MAP4K5: variants seen among roughly 807,000 people sequenced by gnomAD.
MAP4K5 encodes MAPK/ERK kinase kinase kinase 5.
A neutral mutation model predicts 135.6 loss-of-function variants in MAP4K5; 82 were observed. The ratio of observed to expected loss-of-function variants is 0.60; its 90% CI spans 0.51 to 0.73. MAP4K5 has a LOEUF of 0.73. Among genes scored for constraint, MAP4K5 ranks in the 30% least tolerant of loss-of-function variants. The probability of loss-of-function intolerance (pLI) is 0.00; values close to 1 mark genes in which losing one functional copy is unlikely to be tolerated. For missense variants in MAP4K5, 907 were observed against 1,010.9 expected, an observed-to-expected ratio of 0.90 and a Z score of 1.39; for synonymous variants, 347 against 335.0, an observed-to-expected ratio of 1.04 and a Z score of -0.39.
chr14:50,474,180 T>A (rs8005514), intron 9 of MAP4K5, among the ~76,000 whole-genome samples: 127,863 of 151,962 alleles, frequency 0.84, 55,322 homozygotes, highest in East Asian at 0.93. Context: ...ATCACTTGAG[T>A]TTTAGACCAG....
At chr14:50,498,572 C>G (rs2037642546) in intron 3 of MAP4K5, among the ~76,000 whole-genome samples, 1 of 152,076 alleles carries the variant, frequency 6.6e-6, no homozygotes, top group African/African-American at 2.4e-5. Flanking sequence ...ATTAGGAAGA[C>G]CTTCAAAAGC....
chr14:50,482,575 G>A (rs1020978227), intron 5 of MAP4K5, 159 bp from the exon 6 acceptor site: 77 of 505,942 alleles, frequency 1.5e-4, no homozygotes, highest in Non-Finnish European at 2.2e-4. Flanking sequence ...TCAAGAGCTC[G>A]AGACTATCCT....
In MAP4K5 at chr14:50,476,448, T is replaced by C; in HGVS notation, c.379-142A>G. On this transcript the variant is annotated intron_variant, in intron 6 of 32. Coordinates refer to ENST00000682126, the MANE Select transcript of MAP4K5 (RefSeq NM_006575.6). ...AAAAAAACCTAGATAAGTAAATCAA[T>C]GTTTACTATATTTTAAAGATTTGTT... The C allele has an allele frequency of 6.3e-6, 3 of 472,806 alleles. 1 individual carries two copies. Among genetic ancestry groups the C allele is most frequent in the South Asian group, 9.2e-5 (2 of 21,830 alleles). The allele number at this position is 472,806 out of a possible 1,614,324, so 29.3% of individuals were successfully genotyped here. A position where few individuals can be genotyped will look rare whatever the true frequency, so the allele number is the denominator to read the frequency against.
intron 3 of MAP4K5, among the ~76,000 whole-genome samples, chr14:50,501,481 C>G (rs1361975687): frequency 1.3e-5 from 2 of 151,868 alleles, no homozygotes; most frequent in Non-Finnish European, 1.5e-5. Context: ...AATTAAACAT[C>G]TCTCCAAACA....
At chr14:50,554,212 C>A (rs901054288) in intron 1 of MAP4K5, among the ~76,000 whole-genome samples, 4 of 152,008 alleles carry the variant, frequency 2.6e-5, no homozygotes, top group Non-Finnish European at 4.4e-5. Flanking sequence ...TGTTTTAAAT[C>A]ATTTGTCAAC....
intron 28 of MAP4K5, among the ~76,000 whole-genome samples, chr14:50,434,016 TAAG>T (rs2036033039): frequency 6.6e-6 from 1 of 152,180 alleles, no homozygotes; most frequent in South Asian, 2.1e-4. Flanking sequence ...TCACTGATTC[TAAG>T]AAGTGAGCGG....
At chr14:50,471,660 C>G (rs2036965216) in intron 9 of MAP4K5, 2 of 152,112 alleles carry the variant, frequency 1.3e-5, no homozygotes, top group South Asian at 2.1e-4. Context: ...GAGAGAAACG[C>G]TATGAATGTA....
Position 50,432,940 on chromosome 14 carries a change from C to T in MAP4K5, c.2164+1454G>A, listed in dbSNP as rs557613850. 4.8e-3 allele frequency among the ~76,000 whole-genome samples: 732 copies of T among 152,114 alleles called. 2 individuals are homozygous for T. Among genetic ancestry groups the T allele is most frequent in the Non-Finnish European group, 7.2e-3 (490 of 67,976 alleles). ...GCAACCTCTGCCTTCCAGGTTCATG[C>T]GATTCTCCTGCCTCAGCCTCCCTAG... On this transcript the variant is annotated intron_variant, in intron 28 of 32. Transcript: ENST00000682126.
At chr14:50,492,764 T>G (rs569549887) in intron 3 of MAP4K5, among the ~76,000 whole-genome samples, 3 of 152,174 alleles carry the variant, frequency 2.0e-5, no homozygotes, top group Non-Finnish European at 4.4e-5. Context: ...CCTATATAGG[T>G]ATCAATAATG....
Position 50,447,418 on chromosome 14 carries a change from C to G in MAP4K5, c.1138G>C (p.Gly380Arg). The G allele has an allele frequency of 1.3e-6, 2 of 1,538,320 alleles. No homozygotes were observed. The highest frequency in any genetic ancestry group is 1.8e-6 in the Non-Finnish European group (2 of 1,137,860). The change falls in exon 16 of 33, where the codon GGC (glycine) becomes CGC (arginine). Residue 380 changes from glycine to arginine, a missense_variant. Physicochemically the swap from Gly to Arg is moderately radical, Grantham distance 125. Transcript: ENST00000682126. ...WNPFVDGANT[G>R]KSTSKRAIPP... The stretch of plus-strand genomic sequence containing the variant: ...TTAAATTAGAAAACAACTTACTTGC[C>G]AGTATTTGCACCATCAACAAAAGGA...
chr14:50,459,633 G>A (rs1595464200), intron 13 of MAP4K5, among the ~76,000 whole-genome samples: 1 of 151,454 alleles, frequency 6.6e-6, no homozygotes, highest in African/African-American at 2.4e-5. Flanking sequence ...GCTCTGTATC[G>A]TTATCTTCTA....
intron 26 of MAP4K5, among the ~76,000 whole-genome samples, chr14:50,435,691 T>C (rs2036074446): frequency 8.5e-5 from 13 of 152,106 alleles, no homozygotes; most frequent in Admixed American, 8.5e-4. Context: ...AGGAGGCAAC[T>C]AAAATGCACC....
chr14:50,479,086 TATC>T (rs1039106522), intron 6 of MAP4K5, among the ~76,000 whole-genome samples: 1 of 151,928 alleles, frequency 6.6e-6, no homozygotes, highest in African/African-American at 2.4e-5. Flanking sequence ...TATTAATAGT[TATC>T]ATCAAGTATG....
chr14:50,456,658 C>T (rs1217581929), intron 13 of MAP4K5, 64 bp from the exon 14 acceptor site: 4 of 992,806 alleles, frequency 4.0e-6, no homozygotes, highest in South Asian at 3.4e-5. Flanking sequence ...AAAGGTCAAA[C>T]TTTCTTATCA....
chr14:50,524,846 A>G (rs1595548347), intron 2 of MAP4K5, among the ~76,000 whole-genome samples: 1 of 152,280 alleles, frequency 6.6e-6, no homozygotes, highest in East Asian at 1.9e-4. Flanking sequence ...ATGACACAAA[A>G]CTTCAGATTT....
rs2036736795 is a variant in MAP4K5, at chr14:50,462,655, A to C, written c.936+10T>G. 2 of 1,571,856 alleles carry C rather than the reference A, an allele frequency of 1.3e-6. No homozygotes were observed. The highest frequency in any genetic ancestry group is 1.4e-5 in the African/African-American group (1 of 73,092). ...TATTTTCAACTATGAGACTGCAAAC[A>C]CTTCCTTACCTCAAAGTCATCGTCA... On this transcript the variant is annotated intron_variant, in intron 13 of 32. Transcript: ENST00000682126.
chr14:50,493,975 G>A (rs748669422), intron 3 of MAP4K5, among the ~76,000 whole-genome samples: 35 of 149,412 alleles, frequency 2.3e-4, no homozygotes, highest in Non-Finnish European at 4.3e-4. Flanking sequence ...GCGACAGAGT[G>A]AGAATCCATC....
In MAP4K5 at chr14:50,474,991, A is replaced by G. The variant is rs573913382; in HGVS notation, c.542+86T>C. On this transcript the variant is annotated intron_variant, in intron 9 of 32. Transcript: ENST00000682126. The stretch of plus-strand genomic sequence containing the variant: ...CACGCAAATCTCCCTACTTTTAATT[A>G]TTACTTCTATTACCAAGTATCGAGG... The G allele has an allele frequency of 2.6e-6, 3 of 1,139,912 alleles. No homozygotes were observed. In the African/African-American group the frequency reaches 4.6e-5, roughly 17 times the overall value. 70.6% of individuals were successfully genotyped at this position (1,139,912 alleles called of 1,614,324 possible).
chr14:50,448,411 A>T (rs1162851366), intron 15 of MAP4K5, among the ~76,000 whole-genome samples: 4 of 152,106 alleles, frequency 2.6e-5, no homozygotes, highest in African/African-American at 9.7e-5. Flanking sequence ...AATAAAATAT[A>T]TTTAAAAAAT....
Sources: allele counts gnomAD v4.1 joint callset (sites outside exome capture counted in the v4.1 genomes callset), GRCh38; gene constraint gnomAD v4.1.1; transcripts MANE v1.5; gene names NCBI Gene and HGNC (gene_info 2026-07-23, HGNC 2026-07-21).